Variants in LRRD1 observed in about 807,000 individuals in gnomAD.
The protein encoded by LRRD1 is leucine rich repeats and death domain containing 1.
A neutral mutation model predicts 69.5 loss-of-function variants in LRRD1; 49 were observed. The ratio of observed to expected loss-of-function variants is 0.70; its 90% CI spans 0.56 to 0.89. The LOEUF (loss-of-function observed/expected upper bound fraction) is 0.89. Among genes scored for constraint, LRRD1 ranks in the 40% least tolerant of loss-of-function variants. The probability of loss-of-function intolerance (pLI) is 0.00; values close to 1 mark genes in which losing one functional copy is unlikely to be tolerated. For synonymous variants in LRRD1, 303 were observed against 338.9 expected (o/e 0.89, Z 1.16); for missense variants, 853 against 956.0 (o/e 0.89, Z 1.42).
intron 1 of LRRD1, among the ~76,000 whole-genome samples, chr7:92,175,425 A>G (rs1036040476): frequency 3.3e-5 from 5 of 152,154 alleles, no homozygotes; most frequent in African/African-American, 1.2e-4. Context: ...GGGCAGTTGG[A>G]TCACCCGAGG....
At chr7:92,150,737 A>C in intron 3 of LRRD1, 42 bp from the exon 4 acceptor site, 1 of 1,386,752 alleles carries the variant, frequency 7.2e-7, no homozygotes, top group East Asian at 2.5e-5. Flanking sequence ...CTTTCTATAA[A>C]AGAAAACTAT....
chr7:92,174,811 C>T (rs2131027279), intron 1 of LRRD1, among the ~76,000 whole-genome samples: 1 of 151,936 alleles, frequency 6.6e-6, no homozygotes, highest in African/African-American at 2.4e-5. Flanking sequence ...CCTGTAATCC[C>T]AGCACTTTGG....
chr7:92,156,882 AGTGT>A, intron 3 of LRRD1, among the ~76,000 whole-genome samples: 1 of 152,258 alleles, frequency 6.6e-6, no homozygotes, highest in South Asian at 2.1e-4. Flanking sequence ...TTTACCATGG[AGTGT>A]GATATTAGCT....
chr7:92,161,590 C>T (rs1477385051), intron 2 of LRRD1, among the ~76,000 whole-genome samples: 1 of 152,130 alleles, frequency 6.6e-6, no homozygotes, highest in African/African-American at 2.4e-5. Context: ...TAGACAGTGA[C>T]ACTGGAAAAT....
chr7:92,163,284 A>G lies in LRRD1; in HGVS notation c.1917+2T>C. On this transcript the variant is annotated splice_donor_variant, in intron 2 of 5. Transcript: ENST00000458448. LOFTEE classifies it high-confidence loss of function. ...ACAAAGCCCACAATACCAGTCTCTT[A>G]CCTTTCTCCCTTTTATCTGACTTAT... 6.9e-7 allele frequency: 1 copy of G among 1,448,320 alleles called. No homozygotes were observed. Among genetic ancestry groups the G allele is most frequent in the South Asian group, 1.6e-5 (1 of 62,712 alleles). The allele number at this position is 1,448,320 out of a possible 1,614,324, so 89.7% of individuals were successfully genotyped here.
At chr7:92,170,131 AGGAAGGAAGGAC>A (rs1789018721) in intron 1 of LRRD1, among the ~76,000 whole-genome samples, 1 of 150,898 alleles carries the variant, frequency 6.6e-6, no homozygotes, top group Non-Finnish European at 1.5e-5. Context: ...GAAGGAAGGG[AGGAAGGAAGGAC>A]GGAAGGAAGG....
At chr7:92,165,650 A>G (rs918211687) in intron 1 of LRRD1, among the ~76,000 whole-genome samples, 5 of 152,096 alleles carry the variant, frequency 3.3e-5, no homozygotes, top group African/African-American at 1.2e-4. Context: ...ACTTTAGGTC[A>G]GGAGTTGGAG....
downstream of LRRD1, chr7:92,143,032 A>G (rs1043611446): frequency 1.4e-5 from 3 of 217,768 alleles, no homozygotes; most frequent in African/African-American, 7.0e-5. Context: ...CATTTTACAG[A>G]GAGCCCGAGT....
At position 92,150,708 on chromosome 7, in the gene LRRD1, A is replaced by G. The variant is rs1820445508; in HGVS notation, c.2117-13T>C. The G allele has an allele frequency of 6.6e-7, 1 of 1,504,578 alleles. No individual in the cohort carries two copies. Among genetic ancestry groups the G allele is most frequent in the African/African-American group, 1.4e-5 (1 of 71,368 alleles). 93.2% of individuals were successfully genotyped at this position (1,504,578 alleles called of 1,614,324 possible). A position where few individuals can be genotyped will look rare whatever the true frequency, so the allele number is the denominator to read the frequency against. The stretch of plus-strand genomic sequence containing the variant: ...GTCAGATTATTTCCTAGTAGAAAAA[A>G]ATTAGAATTGAATTACATCTTTCTA... On this transcript the variant is annotated splice_polypyrimidine_tract_variant and intron_variant, in intron 3 of 5. Coordinates refer to ENST00000458448, the MANE Select transcript of LRRD1 (RefSeq NM_001161528.2).
At chr7:92,155,445 T>A (rs1253479920) in intron 3 of LRRD1, among the ~76,000 whole-genome samples, 1 of 152,170 alleles carries the variant, frequency 6.6e-6, no homozygotes, top group Non-Finnish European at 1.5e-5. Flanking sequence ...CCACTGTTGA[T>A]CATGAGTAAA....
chr7:92,154,616 G>A (rs1788614460), intron 3 of LRRD1, among the ~76,000 whole-genome samples: 1 of 151,660 alleles, frequency 6.6e-6, no homozygotes, highest in Non-Finnish European at 1.5e-5. Context: ...AAGTTTTGTA[G>A]TTTTAGCTTT....
chr7:92,154,248 C>CT (rs551307609), intron 3 of LRRD1, among the ~76,000 whole-genome samples: 10 of 149,874 alleles, frequency 6.7e-5, no homozygotes, highest in East Asian at 2.0e-4. Flanking sequence ...TTTTTTTCAC[C>CT]TTTTTTTTTG....
chr7:92,173,037 T>C (rs930558965), intron 1 of LRRD1, among the ~76,000 whole-genome samples: 1 of 151,960 alleles, frequency 6.6e-6, no homozygotes, highest in African/African-American at 2.4e-5. Context: ...CAGATATAAA[T>C]CCACTCATTT....
chr7:92,146,079 A>G lies in LRRD1; in HGVS notation c.2396+4T>C. ...TTGTACTAAATGCTGTCATTTATAC[A>G]TACCTCTTTGTAGGCATATCAGTTT... On this transcript the variant is annotated splice_donor_region_variant and intron_variant, in intron 5 of 5. Transcript: ENST00000458448. The G allele has an allele frequency of 6.9e-7, 1 of 1,440,350 alleles. No individual in the cohort carries two copies. The highest frequency in any genetic ancestry group is 9.4e-7 in the Non-Finnish European group (1 of 1,066,636). The allele number at this position is 1,440,350 out of a possible 1,614,324, so 89.2% of individuals were successfully genotyped here.
chr7:92,142,336 T>C (rs1003820790), downstream of LRRD1: 2 of 400,664 alleles, frequency 5.0e-6, no homozygotes, highest in African/African-American at 4.2e-5. Context: ...AAGTAAAAAG[T>C]GCAGAAGTAT....
intron 1 of LRRD1, among the ~76,000 whole-genome samples, chr7:92,176,855 G>A (rs1293677903): frequency 6.6e-6 from 1 of 151,630 alleles, no homozygotes; most frequent in East Asian, 1.9e-4. Context: ...AAGCCACCAT[G>A]CCTGGCCACA....
In LRRD1 at chr7:92,163,303, G is replaced by T; in HGVS notation, c.1900C>A (p.Gln634Lys). 3 of 1,482,820 alleles carry T rather than the reference G, an allele frequency of 2.0e-6. No homozygotes were observed. The highest frequency in any genetic ancestry group is 1.4e-5 in the South Asian group (1 of 70,314). The allele number at this position is 1,482,820 out of a possible 1,614,324, so 91.9% of individuals were successfully genotyped here. The stretch of plus-strand genomic sequence containing the variant: ...TCTCTTACCTTTCTCCCTTTTATCT[G>T]ACTTATATTCAGCTGTTCCAGTGAT... Reference protein sequence around the residue: ...LQSLEQLNISQIKGRKLTRLP... With the variant: ...LQSLEQLNISKIKGRKLTRLP... Residue 634 changes from glutamine to lysine, a missense_variant, in exon 2 of 6, where the codon CAG becomes AAG. By Grantham distance (53) the Gln-to-Lys change is moderately conservative (BLOSUM62 1). Around this residue, in one of 3 missense-constraint regions of LRRD1, gnomAD observed 739 missense variants for 808.0 expected, o/e 0.91. Transcript: ENST00000458448.
At position 92,159,039 on chromosome 7, in the gene LRRD1, T is replaced by C; in HGVS notation, c.2082A>G (p.Leu694=). 4 of 1,546,860 alleles carry C rather than the reference T, an allele frequency of 2.6e-6. No homozygotes were observed. The highest frequency in any genetic ancestry group is 2.4e-5 in the South Asian group (2 of 82,638). ...NQISYLPPSL[L]SLNDLQQLNL... is the part of the protein sequence containing the mutation. ...TTAGTTGCTGCAGATCATTTAAAGA[T>C]AGCAAAGATGGTGGAAGATAACTTA... is the stretch of plus-strand genomic sequence containing the variant. Residue 694 remains leucine (L), a synonymous_variant, in exon 3 of 6, where the codon CTA becomes CTG. Coordinates refer to ENST00000458448, the MANE Select transcript of LRRD1 (RefSeq NM_001161528.2).
In LRRD1 at chr7:92,164,650, C is replaced by T. The variant is rs1255907272; in HGVS notation, c.553G>A (p.Gly185Ser). ...AGAATTTCAAGTCCTAACAGATCAC[C>T]TGAGTCTGCCCCTTGAAATGTTTTG... ...QIKTFQGADSGDLLGLEILSL... is the reference protein window; with the variant it reads ...QIKTFQGADSSDLLGLEILSL... Residue 185 changes from glycine (G) to serine (S), a missense_variant, in exon 2 of 6, where the codon GGT (glycine) becomes AGT (serine). By Grantham distance (56) the Gly-to-Ser change is moderately conservative (BLOSUM62 0). Coordinates refer to ENST00000458448, the MANE Select transcript of LRRD1 (RefSeq NM_001161528.2). 1 of 1,551,632 alleles carries T rather than the reference C, an allele frequency of 6.4e-7. No homozygotes were observed. The highest frequency in any genetic ancestry group is 8.7e-7 in the Non-Finnish European group (1 of 1,146,922).
Sources: gnomAD v4.1 joint callset for allele counts (sites outside exome capture counted in the v4.1 genomes callset) on GRCh38, gnomAD v4.1.1 for gene constraint, gnomAD v4.1.1 regional missense constraint, MANE v1.5 for transcripts, NCBI Gene and HGNC (gene_info 2026-07-23, HGNC 2026-07-21) for gene names.